The following SMARCC1 variants were observed in gnomAD, a reference collection of about 807,000 sequenced individuals.
The protein encoded by SMARCC1 is SWI/SNF related BAF chromatin remodeling complex subunit C1.
A neutral mutation model predicts 147.4 loss-of-function variants in SMARCC1; 43 were observed. The ratio of observed to expected loss-of-function variants is 0.29; its 90% CI spans 0.23 to 0.38. The LOEUF (loss-of-function observed/expected upper bound fraction) is 0.38. Ranked by LOEUF, SMARCC1 falls within the 10% of genes least tolerant of loss-of-function variation. The pLI is 1.00. For missense variants in SMARCC1, 1,119 were observed against 1,381.1 expected, an observed-to-expected ratio of 0.81 and a Z score of 3.01; for synonymous variants, 495 against 484.4, an observed-to-expected ratio of 1.02 and a Z score of -0.29.
chr3:47,690,749 A>G (rs977634826), intron 12 of SMARCC1, among the ~76,000 whole-genome samples: 8 of 152,352 alleles, frequency 5.3e-5, no homozygotes, highest in Middle Eastern at 6.8e-3. Flanking sequence ...CCTGACAACT[A>G]CTCATGCCAC....
intron 24 of SMARCC1, among the ~76,000 whole-genome samples, chr3:47,629,690 C>G (rs1376421951): frequency 6.6e-6 from 1 of 152,122 alleles, no homozygotes; most frequent in Non-Finnish European, 1.5e-5. Flanking sequence ...GTAGCCATCT[C>G]AGCCGAGGCA....
At chr3:47,635,443 A>G (rs2032956394) in intron 23 of SMARCC1, 99 bp from the exon 24 acceptor site, 3 of 1,043,722 alleles carry the variant, frequency 2.9e-6, no homozygotes, top group Non-Finnish European at 4.3e-6. Context: ...CTGATATGAC[A>G]AAGAGATGTC....
intron 25 of SMARCC1, among the ~76,000 whole-genome samples, chr3:47,618,445 G>C (rs773414253): frequency 1.1e-4 from 16 of 151,946 alleles, no homozygotes; most frequent in Non-Finnish European, 1.9e-4. Context: ...GCTTGGGGAG[G>C]CTGAGGAGGG....
At position 47,781,804 on chromosome 3, in the gene SMARCC1, A is replaced by C; in HGVS notation, c.-7T>G. 5 of 1,422,704 alleles carry C rather than the reference A, an allele frequency of 3.5e-6. No homozygotes were observed. Among genetic ancestry groups the C allele is most frequent in the Non-Finnish European group, 4.6e-6 (5 of 1,089,742 alleles). 88.1% of individuals were successfully genotyped at this position (1,422,704 alleles called of 1,614,324 possible). ...CGCCCGCCGCTGCGGCCATCGTCGC[A>C]GCCCGTCGTCCCCACAGCCTGGCCC... On this transcript the variant is annotated 5_prime_UTR_variant, in exon 1 of 28. Coordinates refer to ENST00000254480, the MANE Select transcript of SMARCC1 (RefSeq NM_003074.4).
chr3:47,678,991 T>C (rs2106759295), intron 15 of SMARCC1, among the ~76,000 whole-genome samples: 1 of 152,222 alleles, frequency 6.6e-6, no homozygotes, highest in African/African-American at 2.4e-5. Flanking sequence ...GTAGAATCCA[T>C]GAGACCAAAT....
chr3:47,708,020 G>A (rs565557059), intron 9 of SMARCC1, among the ~76,000 whole-genome samples: 63 of 136,822 alleles, frequency 4.6e-4, no homozygotes, highest in Admixed American at 7.6e-4. Context: ...ATAGCAGTTT[G>A]AAAAAAATCT....
At chr3:47,779,738 G>A (rs1037665096) in intron 1 of SMARCC1, among the ~76,000 whole-genome samples, 3 of 152,190 alleles carry the variant, frequency 2.0e-5, no homozygotes, top group Non-Finnish European at 2.9e-5. Context: ...ACAGTGCGGA[G>A]AGGTAGAAAT....
intron 7 of SMARCC1, among the ~76,000 whole-genome samples, chr3:47,717,064 G>A (rs915259688): frequency 6.6e-6 from 1 of 152,050 alleles, no homozygotes; most frequent in Non-Finnish European, 1.5e-5. Context: ...TAAAAAGATT[G>A]TATATACTTT....
intron 21 of SMARCC1, among the ~76,000 whole-genome samples, chr3:47,657,303 A>G (rs1203484031): frequency 6.6e-6 from 1 of 152,244 alleles, no homozygotes; most frequent in African/African-American, 2.4e-5. Flanking sequence ...TGTTGTCTAG[A>G]ATAGACCACA....
chr3:47,663,922 G>A (rs1275426589), intron 19 of SMARCC1: 8 of 1,435,580 alleles, frequency 5.6e-6, no homozygotes, highest in Non-Finnish European at 7.8e-6. Flanking sequence ...CCGCTATGAA[G>A]TCTCAACCCT....
intron 16 of SMARCC1, among the ~76,000 whole-genome samples, chr3:47,677,636 CTGTCTCCTGA>C (rs1228396926): frequency 6.6e-6 from 1 of 150,958 alleles, no homozygotes; most frequent in Non-Finnish European, 1.5e-5. Context: ...ACTGCAATCT[CTGTCTCCTGA>C]GTTCTCCTGC....
rs2033721493 is a variant in SMARCC1, at chr3:47,686,208, C to G, written c.1264-38G>C. 2.6e-6 allele frequency: 4 copies of G among 1,556,892 alleles called. No homozygotes were observed. In the African/African-American group the frequency reaches 5.4e-5, roughly 21 times the overall value. The stretch of plus-strand genomic sequence containing the variant: ...AGACAAAGTTCAAAGAAAGAAAGAA[C>G]TACAGAGAGAGATATATATAACATC... On this transcript the variant is annotated intron_variant, in intron 13 of 27. Coordinates refer to ENST00000254480, the MANE Select transcript of SMARCC1 (RefSeq NM_003074.4).
At chr3:47,646,860 AC>A (rs1428462494) in intron 21 of SMARCC1, among the ~76,000 whole-genome samples, 1 of 151,964 alleles carries the variant, frequency 6.6e-6, no homozygotes. Flanking sequence ...CTCCCCACAG[AC>A]CTCTTGGCAT....
chr3:47,737,853 G>A (rs1013781295), intron 4 of SMARCC1, among the ~76,000 whole-genome samples, 176 bp downstream of exon 4: 14 of 148,510 alleles, frequency 9.4e-5, no homozygotes, highest in Non-Finnish European at 1.6e-4. Context: ...AAGTAGAGAC[G>A]GGGTTTCACC....
intron 1 of SMARCC1, among the ~76,000 whole-genome samples, chr3:47,778,385 C>T (rs1045164975): frequency 2.6e-5 from 4 of 151,782 alleles, no homozygotes; most frequent in Non-Finnish European, 5.9e-5. Context: ...CACAGTTCAC[C>T]GCAGCCTCGA....
intron 26 of SMARCC1, among the ~76,000 whole-genome samples, chr3:47,605,147 C>A (rs1397558130): frequency 6.6e-6 from 1 of 152,196 alleles, no homozygotes; most frequent in Non-Finnish European, 1.5e-5. Context: ...TAAACAGGCA[C>A]CACCACTTTG....
intron 21 of SMARCC1, among the ~76,000 whole-genome samples, chr3:47,645,334 CCA>C: frequency 6.6e-6 from 1 of 151,292 alleles, no homozygotes; most frequent in East Asian, 1.9e-4. Context: ...ATATGCAACC[CCA>C]CAGTGAGTAT....
At chr3:47,605,527 T>G (rs548536499) in intron 26 of SMARCC1, among the ~76,000 whole-genome samples, 1 of 152,198 alleles carries the variant, frequency 6.6e-6, no homozygotes, top group East Asian at 1.9e-4. Context: ...ATCCTAACAC[T>G]TTGGGAGGCG....
At chr3:47,679,212 C>CAAAA (rs577481119) in intron 15 of SMARCC1, among the ~76,000 whole-genome samples, 1 of 93,496 alleles carries the variant, frequency 1.1e-5, no homozygotes, top group Non-Finnish European at 2.3e-5. Context: ...GACTTTGTCT[C>CAAAA]AAAAAAAAAA....
Sources: gnomAD v4.1 joint callset for allele counts (sites outside exome capture counted in the v4.1 genomes callset) on GRCh38, gnomAD v4.1.1 for gene constraint, MANE v1.5 for transcripts, NCBI Gene and HGNC (gene_info 2026-07-23, HGNC 2026-07-21) for gene names.